The following STAC variants were observed in gnomAD, a reference collection of about 807,000 sequenced individuals.
The protein encoded by STAC is SH3 and cysteine-rich domain-containing protein.
STAC carries 43 observed loss-of-function variants against 48.8 expected under a neutral mutation model. The observed-to-expected ratio is 0.88, with a 90% CI of 0.69 to 1.14. STAC has a LOEUF of 1.14. Ranked by LOEUF, STAC falls within the 50% of genes most tolerant of loss-of-function variation. The pLI is 0.00. For synonymous variants in STAC, 193 were observed against 179.5 expected, an observed-to-expected ratio of 1.07 and a Z score of -0.60; for missense variants, 497 against 504.0, an observed-to-expected ratio of 0.99 and a Z score of 0.13.
intron 1 of STAC, among the ~76,000 whole-genome samples, chr3:36,383,409 A>C (rs1699555005): frequency 6.6e-6 from 1 of 152,212 alleles, no homozygotes; most frequent in Admixed American, 6.5e-5. Context: ...GGACCTAATC[A>C]TGTGGCTTCA....
intron 1 of STAC, among the ~76,000 whole-genome samples, chr3:36,438,339 G>A (rs1696218981): frequency 6.6e-6 from 1 of 152,176 alleles, no homozygotes; most frequent in African/African-American, 2.4e-5. Context: ...AGGTTCTGAA[G>A]AATATCTGTT....
chr3:36,398,410 GAGAGGGAAGGAAGGAAGGAA>G (rs1559477125), intron 1 of STAC, among the ~76,000 whole-genome samples: 7 of 130,440 alleles, frequency 5.4e-5, no homozygotes, highest in Admixed American at 1.7e-4. Flanking sequence ...AAGAGAAAGA[GAGAGGGAAGGAAGGAAGGAA>G]GGAAGGAAGG....
chr3:36,534,040 A>G (rs1391957301), intron 10 of STAC, among the ~76,000 whole-genome samples: 2 of 152,190 alleles, frequency 1.3e-5, no homozygotes, highest in African/African-American at 4.8e-5. Flanking sequence ...TTAGAAACAA[A>G]TTTCAAAATT....
At chr3:36,533,287 G>A (rs1054699002) in intron 10 of STAC, among the ~76,000 whole-genome samples, 1 of 152,080 alleles carries the variant, frequency 6.6e-6, no homozygotes, top group Non-Finnish European at 1.5e-5. Context: ...TCTCTGATGC[G>A]ATACACAACT....
intron 2 of STAC, among the ~76,000 whole-genome samples, chr3:36,466,792 A>AC (rs1370914759): frequency 1.3e-5 from 2 of 152,182 alleles, no homozygotes; most frequent in South Asian, 2.1e-4. Context: ...TCATCAGCAA[A>AC]TAGCGACAGT....
Position 36,504,373 on chromosome 3 carries a change from C to G in STAC, c.767-20C>G. ...GGTAACTAGATTCATAGAGCACCTG[C>G]TTTCTCTTGTCTCCTTCAGTGTTTA... On this transcript the variant is annotated intron_variant, in intron 6 of 10. Coordinates refer to ENST00000273183, the MANE Select transcript of STAC (RefSeq NM_003149.3). 4 of 1,609,956 alleles carry G rather than the reference C, an allele frequency of 2.5e-6. No homozygotes were observed. Among genetic ancestry groups the G allele is most frequent in the Non-Finnish European group, 3.4e-6 (4 of 1,176,938 alleles).
At chr3:36,435,838 T>A (rs1176835891) in intron 1 of STAC, among the ~76,000 whole-genome samples, 1 of 152,206 alleles carries the variant, frequency 6.6e-6, no homozygotes, top group Non-Finnish European at 1.5e-5. Flanking sequence ...TTTGAATCAT[T>A]TTCTTCCCTC....
chr3:36,504,304 A>C, intron 6 of STAC, 89 bp from the exon 7 acceptor site: 1 of 1,212,676 alleles, frequency 8.2e-7, no homozygotes, highest in Non-Finnish European at 1.2e-6. Context: ...AAGCTATGGT[A>C]CTTAGAATAA....
At chr3:36,475,716 C>A (rs1697476408) in intron 2 of STAC, among the ~76,000 whole-genome samples, 1 of 152,152 alleles carries the variant, frequency 6.6e-6, no homozygotes, top group African/African-American at 2.4e-5. Flanking sequence ...AGTCCACAAG[C>A]AAAATTATAA....
At chr3:36,545,306 C>A (rs1039826164) in intron 10 of STAC, among the ~76,000 whole-genome samples, 1 of 152,240 alleles carries the variant, frequency 6.6e-6, no homozygotes, top group Non-Finnish European at 1.5e-5. Context: ...AGCTCCCAGG[C>A]GAACCAAGCT....
chr3:36,481,799 C>T (rs1697654393), intron 2 of STAC, among the ~76,000 whole-genome samples: 1 of 152,202 alleles, frequency 6.6e-6, no homozygotes, highest in African/African-American at 2.4e-5. Flanking sequence ...ACCCACGTCT[C>T]TTATTTTTAG....
chr3:36,454,149 A>G (rs1041025467), intron 2 of STAC, among the ~76,000 whole-genome samples: 49 of 152,266 alleles, frequency 3.2e-4, no homozygotes, highest in African/African-American at 1.2e-3. Flanking sequence ...ACCCGCTCGG[A>G]TCCTCTTCCA....
intron 5 of STAC, among the ~76,000 whole-genome samples, chr3:36,490,814 T>G (rs1431799617): frequency 6.6e-6 from 1 of 152,248 alleles, no homozygotes; most frequent in Non-Finnish European, 1.5e-5. Context: ...ATCTCTAATA[T>G]AGCTTTGTCT....
chr3:36,544,741 C>T (rs1310919836), intron 10 of STAC, among the ~76,000 whole-genome samples: 1 of 152,080 alleles, frequency 6.6e-6, no homozygotes, highest in Non-Finnish European at 1.5e-5. Flanking sequence ...TCAAGTATTC[C>T]ATCCCTTTTG....
At chr3:36,492,031 A>AAAATAT (rs1553639882) in intron 5 of STAC, among the ~76,000 whole-genome samples, 1 of 16,442 alleles carries the variant, frequency 6.1e-5, no homozygotes, top group African/African-American at 1.9e-4. Context: ...AAAAAAAAAA[A>AAAATAT]ATATATATAT....
intron 1 of STAC, among the ~76,000 whole-genome samples, chr3:36,440,436 C>T (rs1383353550): frequency 6.6e-6 from 1 of 152,196 alleles, no homozygotes; most frequent in Non-Finnish European, 1.5e-5. Context: ...CAGGGTGGCT[C>T]TGCTTCTGGA....
intron 8 of STAC, among the ~76,000 whole-genome samples, chr3:36,508,379 A>T (rs1032842847): frequency 6.6e-6 from 1 of 152,182 alleles, no homozygotes; most frequent in Non-Finnish European, 1.5e-5. Context: ...TGTGGTGCTG[A>T]GAAGAATGTG....
chr3:36,514,204 CTTTTTTTTTT>C (rs765548085), intron 8 of STAC, among the ~76,000 whole-genome samples: 49 of 36,436 alleles, frequency 1.3e-3, no homozygotes, highest in African/African-American at 3.8e-3. Context: ...CACTGGCCTT[CTTTTTTTTTT>C]TTTTTTTTTT....
intron 1 of STAC, among the ~76,000 whole-genome samples, chr3:36,411,449 C>T (rs113530393): frequency 1.3e-5 from 2 of 152,324 alleles, no homozygotes; most frequent in African/African-American, 4.8e-5. Flanking sequence ...AGCTCAACTC[C>T]TTGATGTTCC....
Sources: allele counts gnomAD v4.1 joint callset (sites outside exome capture counted in the v4.1 genomes callset), GRCh38; gene constraint gnomAD v4.1.1; transcripts MANE v1.5; gene names NCBI Gene and HGNC (gene_info 2026-07-23, HGNC 2026-07-21).